Variants in NADSYN1 observed in about 807,000 individuals in gnomAD.
The protein encoded by NADSYN1 is glutamine-dependent NAD(+) synthetase.
NADSYN1 carries 80 observed loss-of-function variants against 99.3 expected under a neutral mutation model. That is an observed-to-expected ratio of 0.81 (90% CI 0.67 to 0.97). The LOEUF is 0.97. Ranked by LOEUF, NADSYN1 falls within the 50% of genes least tolerant of loss-of-function variation. NADSYN1 has a pLI of 0.00. For synonymous variants in NADSYN1, 385 were observed against 372.1 expected (o/e 1.03, Z -0.40); for missense variants, 859 against 948.5 (o/e 0.91, Z 1.24).
chr11:71,482,891 T>C lies in NADSYN1; in HGVS notation c.1193T>C (p.Ile398Thr), dbSNP rs1400871831. 8.1e-6 allele frequency: 13 copies of C among 1,613,090 alleles called. No individual in the cohort carries two copies. Among genetic ancestry groups the C allele is most frequent in the Non-Finnish European group, 1.1e-5 (13 of 1,179,568 alleles). Reference protein sequence around the residue: ...LADVRTIVNQISYTPQDPRDL... With the variant: ...LADVRTIVNQTSYTPQDPRDL... ...GATGTCCGCACCATCGTGAACCAGA[T>C]CAGCTACACCCCCCAGGATCCCCGA... The change falls in exon 14 of 21, where the codon ATC (isoleucine) becomes ACC (threonine). Residue 398 changes from isoleucine to threonine, a missense_variant. By Grantham distance (89) the Ile-to-Thr change is moderately conservative (BLOSUM62 -1). Coordinates refer to ENST00000319023, the MANE Select transcript of NADSYN1 (RefSeq NM_018161.5).
chr11:71,481,284 GC>G, intron 11 of NADSYN1, 71 bp from the exon 12 acceptor site: 2 of 1,521,666 alleles, frequency 1.3e-6, no homozygotes. Flanking sequence ...CCTGGGGCCT[GC>G]TTGGGTGGGT....
At chr11:71,479,181 G>A (rs1460337793) in intron 10 of NADSYN1, 1 of 152,358 alleles carries the variant, frequency 6.6e-6, no homozygotes, top group Admixed American at 6.5e-5. Context: ...TGGGGCTCAA[G>A]TGATCCTCCC....
chr11:71,483,065 CAG>C, intron 14 of NADSYN1, 48 bp downstream of exon 14: 1 of 1,606,050 alleles, frequency 6.2e-7, no homozygotes, highest in Non-Finnish European at 8.5e-7. Flanking sequence ...TGACAGAGCT[CAG>C]AGTCACTGGA....
At position 71,473,657 on chromosome 11, in the gene NADSYN1, G is replaced by A; in HGVS notation, c.637G>A (p.Val213Met). ...HQVLRKANTR[V>M]DLVTMVTSKN... ...AGTGCTGCGCAAAGCCAACACCAGGGTGGATCTCGTGACTATGGTCACCAG... is the reference window on the plus strand; with the variant it reads ...AGTGCTGCGCAAAGCCAACACCAGGATGGATCTCGTGACTATGGTCACCAG... The change falls in exon 8 of 21, where the codon GTG becomes ATG. Residue 213 changes from valine to methionine, a missense_variant. Physicochemically the swap from Val to Met is conservative, Grantham distance 21. Coordinates refer to ENST00000319023, the MANE Select transcript of NADSYN1 (RefSeq NM_018161.5). 1 of 1,613,038 alleles carries A rather than the reference G, an allele frequency of 6.2e-7. No homozygotes were observed. The highest frequency in any genetic ancestry group is 8.5e-7 in the Non-Finnish European group (1 of 1,179,718).
At chr11:71,458,108 T>C (rs1949524990) in intron 2 of NADSYN1, among the ~76,000 whole-genome samples, 1 of 152,228 alleles carries the variant, frequency 6.6e-6, no homozygotes, top group African/African-American at 2.4e-5. Context: ...GGTTCTTCTC[T>C]TGTAGATCAG....
At chr11:71,487,798 T>G (rs557819265) in intron 16 of NADSYN1, among the ~76,000 whole-genome samples, 75 of 128,242 alleles carry the variant, frequency 5.8e-4, no homozygotes, top group African/African-American at 2.0e-3. Context: ...GCCACTGCAC[T>G]CCAGCCTGGG....
chr11:71,474,618 G>T, intron 9 of NADSYN1, 92 bp downstream of exon 9: 1 of 1,559,906 alleles, frequency 6.4e-7, no homozygotes, highest in Non-Finnish European at 8.8e-7. Flanking sequence ...GCTTAGTGAG[G>T]GCCCCTGTGG....
intron 15 of NADSYN1, chr11:71,484,900 AGT>A (rs761128191): frequency 1.8e-4 from 35 of 195,984 alleles, no homozygotes; most frequent in South Asian, 6.5e-4. Context: ...TGGATGTGTG[AGT>A]GTGCACAAAC....
Position 71,463,111 on chromosome 11 carries a change from G to T in NADSYN1, c.264-321G>T, listed in dbSNP as rs1949561143. On this transcript the variant is annotated intron_variant, in intron 3 of 20. Coordinates refer to ENST00000319023, the MANE Select transcript of NADSYN1 (RefSeq NM_018161.5). The stretch of plus-strand genomic sequence containing the variant: ...CCTCAGGTTAGCATAAGGCAATTTG[G>T]AAGGGGAAGGGGAGGAGGCAACAGA... Among the ~76,000 whole-genome samples, 4 of 152,220 alleles carry T rather than the reference G, an allele frequency of 2.6e-5. No individual in the cohort carries two copies. In the South Asian group the frequency reaches 8.3e-4, roughly 31 times the overall value.
chr11:71,474,937 T>C, intron 9 of NADSYN1: 1 of 279,944 alleles, frequency 3.6e-6, no homozygotes, highest in Non-Finnish European at 7.2e-6. Flanking sequence ...GTTCCCACAG[T>C]GCGGGAGGAG....
intron 1 of NADSYN1, among the ~76,000 whole-genome samples, chr11:71,454,427 G>A (rs1949499877): frequency 6.6e-6 from 1 of 152,238 alleles, no homozygotes; most frequent in South Asian, 2.1e-4. Context: ...GGCCATGCTG[G>A]CCTCGAACTC....
Position 71,473,494 on chromosome 11 carries a change from A to T in NADSYN1, c.549-75A>T, listed in dbSNP as rs112053722. ...CGTGGGCTGGGAGCTGCCGTGGGAG[A>T]GTGCAAGGGGCTGCCAGGGAGGCTG... is the stretch of plus-strand genomic sequence containing the variant. On this transcript the variant is annotated intron_variant, in intron 7 of 20. Coordinates refer to ENST00000319023, the MANE Select transcript of NADSYN1 (RefSeq NM_018161.5). 6,430 of 1,526,910 alleles carry T rather than the reference A, an allele frequency of 4.2e-3. 22 individuals carry two copies. The highest frequency in any genetic ancestry group is 5.2e-3 in the Non-Finnish European group (5,751 of 1,107,328). 94.6% of individuals were successfully genotyped at this position (1,526,910 alleles called of 1,614,324 possible).
chr11:71,488,018 T>C (rs889859766), intron 16 of NADSYN1, among the ~76,000 whole-genome samples: 12 of 152,042 alleles, frequency 7.9e-5, no homozygotes, highest in African/African-American at 2.9e-4. Flanking sequence ...TTCTCACGGG[T>C]CACAGCCAGT....
Position 71,486,993 on chromosome 11 carries a change from A to G in NADSYN1, c.1562+1345A>G, listed in dbSNP as rs183757438. Among the ~76,000 whole-genome samples, 53 of 151,928 alleles carry G rather than the reference A, an allele frequency of 3.5e-4. No individual in the cohort carries two copies. In the East Asian group the frequency reaches 8.3e-3, roughly 24 times the overall value. On this transcript the variant is annotated intron_variant, in intron 16 of 20. Coordinates refer to ENST00000319023, the MANE Select transcript of NADSYN1 (RefSeq NM_018161.5). The stretch of plus-strand genomic sequence containing the variant: ...GCTAATTTTTTTGTATTTTTAGTAG[A>G]GACGGTGTTTCACCGTGTTAGCCAG...
chr11:71,479,940 G>A (rs545119759), intron 10 of NADSYN1: 1 of 152,374 alleles, frequency 6.6e-6, no homozygotes, highest in South Asian at 2.1e-4. Context: ...CCTTTGTATG[G>A]TCAGAGAGTG....
Position 71,463,514 on chromosome 11 carries a change from G to A in NADSYN1, c.317+29G>A, listed in dbSNP as rs777488246. ...GGCCCCCTGCCCCCACCCCGGGAGG[G>A]TGACTGGGGCCTCTCCCTGGCTCTC... On this transcript the variant is annotated intron_variant, in intron 4 of 20. Transcript: ENST00000319023. 39 of 1,603,858 alleles carry A rather than the reference G, an allele frequency of 2.4e-5. 1 individual carries two copies. In the South Asian group the frequency reaches 3.8e-4, roughly 15 times the overall value.
At chr11:71,491,415 G>A (rs974566313) in intron 17 of NADSYN1, among the ~76,000 whole-genome samples, 2 of 145,620 alleles carry the variant, frequency 1.4e-5, no homozygotes, top group African/African-American at 2.6e-5. Context: ...CCCCCCAGGG[G>A]ACATCAGGCA....
intron 8 of NADSYN1, 127 bp from the exon 9 acceptor site, chr11:71,474,268 C>A: frequency 8.0e-7 from 1 of 1,251,110 alleles, no homozygotes; most frequent in Non-Finnish European, 1.1e-6. Context: ...TATGCGTTAT[C>A]TCTGCGGTGG....
At chr11:71,461,487 G>A (rs932136021) in intron 3 of NADSYN1, among the ~76,000 whole-genome samples, 7 of 152,052 alleles carry the variant, frequency 4.6e-5, no homozygotes, top group African/African-American at 1.2e-4. Flanking sequence ...GGAGTGCAGC[G>A]GTGCGATCTC....
Sources: gnomAD v4.1 joint callset for allele counts (sites outside exome capture counted in the v4.1 genomes callset) on GRCh38, gnomAD v4.1.1 for gene constraint, MANE v1.5 for transcripts, NCBI Gene and HGNC (gene_info 2026-07-23, HGNC 2026-07-21) for gene names.